Variants in CADM2 observed in about 807,000 individuals in gnomAD.
CADM2 encodes the protein immunoglobulin superfamily member 4D.
CADM2 carries 12 observed loss-of-function variants against 49.8 expected under a neutral mutation model. That is an observed-to-expected ratio of 0.24 (90% confidence interval 0.15 to 0.39). The LOEUF is 0.39. CADM2 is among the 10% of genes least tolerant of loss of function. The pLI is 1.00. For missense variants in CADM2, 378 were observed against 492.3 expected, an observed-to-expected ratio of 0.77 and a Z score of 2.20; for synonymous variants, 214 against 175.4, an observed-to-expected ratio of 1.22 and a Z score of -1.74.
chr3:85,354,255 T>G (rs1231802134), intron 1 of CADM2, among the ~76,000 whole-genome samples: 2 of 149,228 alleles, frequency 1.3e-5, no homozygotes, highest in African/African-American at 4.9e-5. Context: ...ATTATTCATA[T>G]GTCGAAATAA....
chr3:85,449,398 A>G (rs1396993763), intron 1 of CADM2, among the ~76,000 whole-genome samples: 2 of 152,068 alleles, frequency 1.3e-5, no homozygotes, highest in Admixed American at 6.6e-5. Context: ...CTATCAATGT[A>G]TAAAGACGCT....
intron 7 of CADM2, among the ~76,000 whole-genome samples, chr3:85,959,586 A>G (rs774879222): frequency 1.3e-5 from 2 of 151,876 alleles, no homozygotes; most frequent in South Asian, 4.1e-4. Flanking sequence ...GTCAGAGTCT[A>G]CTATCACTCA....
At chr3:86,038,236 A>G (rs1413077238) in intron 8 of CADM2, among the ~76,000 whole-genome samples, 1 of 152,244 alleles carries the variant, frequency 6.6e-6, no homozygotes, top group Admixed American at 6.5e-5. Flanking sequence ...CATGTGTTAA[A>G]TCCATGAAGT....
intron 1 of CADM2, among the ~76,000 whole-genome samples, chr3:85,576,579 A>G (rs954311503): frequency 1.3e-5 from 2 of 152,216 alleles, no homozygotes; most frequent in Non-Finnish European, 2.9e-5. Context: ...TAAAGTAACT[A>G]GATTTTCTCT....
intron 1 of CADM2, among the ~76,000 whole-genome samples, chr3:85,276,533 G>C (rs1030216302): frequency 6.6e-6 from 1 of 151,176 alleles, no homozygotes; most frequent in East Asian, 1.9e-4. Context: ...ATTTTCATTA[G>C]TATTGATTTT....
intron 1 of CADM2, among the ~76,000 whole-genome samples, chr3:85,048,918 A>G (rs1317655247): frequency 6.6e-6 from 1 of 152,180 alleles, no homozygotes; most frequent in African/African-American, 2.4e-5. Flanking sequence ...AGTAGTATTC[A>G]GAGGGAAAAT....
intron 1 of CADM2, among the ~76,000 whole-genome samples, chr3:85,132,025 A>C (rs2039245243): frequency 6.6e-6 from 1 of 152,208 alleles, no homozygotes; most frequent in Admixed American, 6.5e-5. Flanking sequence ...AATAATATGG[A>C]AAATATGTTT....
At chr3:85,638,074 C>A (rs2064572429) in intron 1 of CADM2, among the ~76,000 whole-genome samples, 1 of 152,146 alleles carries the variant, frequency 6.6e-6, no homozygotes, top group South Asian at 2.1e-4. Flanking sequence ...ATTCCCTTAA[C>A]ACATCAGCAT....
At chr3:85,625,770 C>G (rs4481168) in intron 1 of CADM2, among the ~76,000 whole-genome samples, 120,250 of 151,822 alleles carry the variant, frequency 0.79, 48,459 homozygotes, top group African/African-American at 0.95. Flanking sequence ...AATGTAGTTT[C>G]GTACTGTGAT....
intron 1 of CADM2, among the ~76,000 whole-genome samples, chr3:85,103,085 A>C (rs2107548591): frequency 6.6e-6 from 1 of 152,302 alleles, no homozygotes; most frequent in Non-Finnish European, 1.5e-5. Flanking sequence ...CAGGAAAAAT[A>C]AAAAGCAATT....
At chr3:85,411,608 A>G (rs747615170) in intron 1 of CADM2, among the ~76,000 whole-genome samples, 1 of 152,172 alleles carries the variant, frequency 6.6e-6, no homozygotes, top group Non-Finnish European at 1.5e-5. Flanking sequence ...TACCAAACCC[A>G]AATGTTGGTA....
At chr3:85,488,391 G>T (rs2039518928) in intron 1 of CADM2, among the ~76,000 whole-genome samples, 1 of 152,138 alleles carries the variant, frequency 6.6e-6, no homozygotes, top group African/African-American at 2.4e-5. Context: ...AACCTATTAA[G>T]ATCCACTAAA....
At chr3:85,169,787 T>C (rs1559700727) in intron 1 of CADM2, among the ~76,000 whole-genome samples, 3 of 152,070 alleles carry the variant, frequency 2.0e-5, no homozygotes, top group African/African-American at 7.2e-5. Context: ...ATTTTTAAAA[T>C]AAAAATCACC....
chr3:85,327,998 A>G (rs1046117347), intron 1 of CADM2, among the ~76,000 whole-genome samples: 3 of 152,160 alleles, frequency 2.0e-5, no homozygotes, highest in African/African-American at 7.2e-5. Context: ...TAGATGAATC[A>G]CTGTGATTAT....
chr3:85,860,425 G>A (rs1039370289), intron 3 of CADM2, among the ~76,000 whole-genome samples: 1 of 152,100 alleles, frequency 6.6e-6, no homozygotes, highest in African/African-American at 2.4e-5. Flanking sequence ...GAGGAATAAG[G>A]TAATTTGATG....
chr3:85,544,804 A>T (rs2107071572), intron 1 of CADM2, among the ~76,000 whole-genome samples: 1 of 148,540 alleles, frequency 6.7e-6, no homozygotes, highest in Middle Eastern at 3.4e-3. Context: ...ATTTGTTGAT[A>T]ATATGCTACA....
intron 1 of CADM2, among the ~76,000 whole-genome samples, chr3:85,568,691 C>T (rs1224049477): frequency 6.7e-6 from 1 of 149,280 alleles, no homozygotes; most frequent in Non-Finnish European, 1.5e-5. Flanking sequence ...CAACCTCCGC[C>T]TCCTGGGAGC....
At chr3:85,256,202 A>G (rs759007620) in intron 1 of CADM2, among the ~76,000 whole-genome samples, 13 of 151,904 alleles carry the variant, frequency 8.6e-5, no homozygotes, top group Non-Finnish European at 1.2e-4. Context: ...CTCCCTGTGG[A>G]CTTCTACTTC....
intron 1 of CADM2, among the ~76,000 whole-genome samples, chr3:85,592,523 G>A (rs1359808937): frequency 1.3e-5 from 2 of 151,872 alleles, no homozygotes; most frequent in Non-Finnish European, 2.9e-5. Context: ...GGAATCATAG[G>A]TTAGAGGATG....
Sources: allele counts gnomAD v4.1 joint callset (sites outside exome capture counted in the v4.1 genomes callset), GRCh38; gene constraint gnomAD v4.1.1; transcripts MANE v1.5; gene names NCBI Gene and HGNC (gene_info 2026-07-23, HGNC 2026-07-21).